Variants in C2orf15 observed in about 807,000 individuals in gnomAD.
The protein encoded by C2orf15 is chromosome 2 open reading frame 15.
In C2orf15, 3 loss-of-function variants were observed where a neutral mutation model predicts 4.4. That is an observed-to-expected ratio of 0.67 (90% CI 0.31 to 1.74). C2orf15 has a LOEUF of 1.74. C2orf15 is among the 40% of genes most tolerant of loss of function. The probability of loss-of-function intolerance (pLI) is 0.09; values close to 1 mark genes in which losing one functional copy is unlikely to be tolerated. For synonymous variants in C2orf15, 37 were observed against 36.8 expected, an observed-to-expected ratio of 1.00 and a Z score of -0.02; for missense variants, 90 against 103.3, an observed-to-expected ratio of 0.87 and a Z score of 0.56.
At chr2:99,147,551 A>G (rs2093645128) in intron 3 of C2orf15, 58 bp downstream of exon 3, 1 of 1,472,554 alleles carries the variant, frequency 6.8e-7, no homozygotes, top group Non-Finnish European at 9.4e-7. Flanking sequence ...CAGTCCTTTT[A>G]TTAGATTGAA....
intron 2 of C2orf15, among the ~76,000 whole-genome samples, chr2:99,144,212 G>C (rs973411259): frequency 6.6e-6 from 1 of 151,728 alleles, no homozygotes; most frequent in African/African-American, 2.4e-5. Context: ...TAGTAGAGAC[G>C]GGGTTTCACT....
chr2:99,148,282 A>C (rs905953090), intron 3 of C2orf15: 1 of 152,194 alleles, frequency 6.6e-6, no homozygotes, highest in Non-Finnish European at 1.5e-5. Flanking sequence ...ACTCAATTTT[A>C]TTCATTTGAA....
intron 3 of C2orf15, among the ~76,000 whole-genome samples, chr2:99,149,758 AG>A (rs2093671886): frequency 7.1e-6 from 1 of 140,256 alleles, no homozygotes; most frequent in African/African-American, 2.6e-5. Context: ...CTCTTTTTAC[AG>A]ACTAGACATC....
intron 2 of C2orf15, among the ~76,000 whole-genome samples, chr2:99,143,126 A>G (rs950291939): frequency 6.9e-6 from 1 of 145,258 alleles, no homozygotes; most frequent in Admixed American, 7.0e-5. Context: ...CCCTGCCCCA[A>G]CTAAACCTTT....
rs2093684883 is a variant in C2orf15 at position 99,150,707 on chromosome 2, A to T, written c.149A>T (p.Glu50Val). 2 of 1,613,986 alleles carry T rather than the reference A, an allele frequency of 1.2e-6. No homozygotes were observed. The highest frequency in any genetic ancestry group is 1.7e-6 in the Non-Finnish European group (2 of 1,179,968). The change falls in exon 4 of 4, where the codon GAA (glutamate) becomes GTA (valine). Residue 50 changes from glutamate (E) to valine (V), a missense_variant. Physicochemically the swap from Glu to Val is moderately radical, Grantham distance 121. Coordinates refer to ENST00000650052, the MANE Select transcript of C2orf15 (RefSeq NM_144706.4). ...CAAAACACCAAGAAAATAAGATTAG[A>T]AGACACAAATCAAGAAAACTTTACA... The part of the protein sequence containing the change: ...LFQNTKKIRL[E>V]DTNQENFTRI...
intron 3 of C2orf15, among the ~76,000 whole-genome samples, chr2:99,149,754 T>C (rs11685759): frequency 0.58 from 84,012 of 145,494 alleles, 25,234 homozygotes; most frequent in East Asian, 0.87. Context: ...TCATCTCTTT[T>C]TACAGACTAG....
intron 3 of C2orf15, among the ~76,000 whole-genome samples, 200 bp downstream of exon 3, chr2:99,147,693 C>T (rs2093646678): frequency 6.6e-6 from 1 of 152,138 alleles, no homozygotes; most frequent in Admixed American, 6.5e-5. Flanking sequence ...TTTAAACCTA[C>T]AGAAATGTAA....
Position 99,150,547 on chromosome 2 carries a change from T to G in C2orf15, c.-12T>G, listed in dbSNP as rs749865252. 2 of 1,610,168 alleles carry G rather than the reference T, an allele frequency of 1.2e-6. No individual in the cohort carries two copies. The highest frequency in any genetic ancestry group is 2.2e-5 in the East Asian group (1 of 44,784). On this transcript the variant is annotated 5_prime_UTR_variant, in exon 4 of 4. Transcript: ENST00000650052. ...ACCTGCAAATTACTTTCACATTTGTTCAGCTATCCTAATGGGATTTTCACT... is the reference window on the plus strand; with the variant it reads ...ACCTGCAAATTACTTTCACATTTGTGCAGCTATCCTAATGGGATTTTCACT...
intron 3 of C2orf15, among the ~76,000 whole-genome samples, chr2:99,148,693 T>C (rs1444963551): frequency 6.6e-6 from 1 of 152,180 alleles, no homozygotes; most frequent in Non-Finnish European, 1.5e-5. Flanking sequence ...TGGGTGAGGC[T>C]GAGCGCAGTG....
chr2:99,148,948 T>C (rs1274448313), intron 3 of C2orf15, among the ~76,000 whole-genome samples: 1 of 152,102 alleles, frequency 6.6e-6, no homozygotes, highest in East Asian at 1.9e-4. Flanking sequence ...GTAAATGTTA[T>C]ATATATTTTA....
intron 3 of C2orf15, 31 bp from the exon 4 acceptor site, chr2:99,150,452 A>G: frequency 7.9e-7 from 1 of 1,259,472 alleles, no homozygotes; most frequent in Non-Finnish European, 1.1e-6. Context: ...TTCCTGCTGC[A>G]TTCACTTGTT....
intron 2 of C2orf15, among the ~76,000 whole-genome samples, chr2:99,146,451 T>G (rs1419759394): frequency 6.6e-6 from 1 of 151,530 alleles, no homozygotes; most frequent in African/African-American, 2.4e-5. Context: ...GTTTATATTT[T>G]TTTCATTGAA....
chr2:99,147,857 C>G (rs954391309), intron 3 of C2orf15, among the ~76,000 whole-genome samples: 1 of 152,150 alleles, frequency 6.6e-6, no homozygotes, highest in African/African-American at 2.4e-5. Flanking sequence ...TTCTTCACCC[C>G]TAACTATTTC....
intron 2 of C2orf15, among the ~76,000 whole-genome samples, chr2:99,142,658 A>C (rs1158790834): frequency 6.6e-6 from 1 of 152,248 alleles, no homozygotes; most frequent in East Asian, 1.9e-4. Flanking sequence ...CACAAGGAGC[A>C]CATATCCTCG....
intron 2 of C2orf15, among the ~76,000 whole-genome samples, chr2:99,145,451 T>C (rs956641130): frequency 1.3e-5 from 2 of 151,522 alleles, no homozygotes; most frequent in African/African-American, 4.9e-5. Context: ...CCCAGCTACT[T>C]GGGAGCTGAG....
intron 2 of C2orf15, among the ~76,000 whole-genome samples, chr2:99,146,599 T>C (rs984477581): frequency 4.6e-5 from 7 of 152,178 alleles, no homozygotes; most frequent in African/African-American, 1.7e-4. Context: ...GTTCTGCCAT[T>C]CACATTTAGG....
chr2:99,149,493 A>G (rs1462592099), intron 3 of C2orf15, among the ~76,000 whole-genome samples: 5 of 139,574 alleles, frequency 3.6e-5, no homozygotes, highest in Admixed American at 3.1e-4. Context: ...CCCAGGCTGG[A>G]GTGCAGTGGC....
intron 2 of C2orf15, among the ~76,000 whole-genome samples, chr2:99,144,576 G>A (rs76874456): frequency 2.0e-5 from 3 of 149,188 alleles, no homozygotes; most frequent in African/African-American, 4.9e-5. Context: ...TTGAACCCGG[G>A]AGGCAGAGGT....
At chr2:99,143,003 G>A (rs1401922139) in intron 2 of C2orf15, among the ~76,000 whole-genome samples, 1 of 151,912 alleles carries the variant, frequency 6.6e-6, no homozygotes, top group Non-Finnish European at 1.5e-5. Context: ...CCAAAAGAGG[G>A]TGAAAAGATT....
Sources: gnomAD v4.1 joint callset for allele counts (sites outside exome capture counted in the v4.1 genomes callset) on GRCh38, gnomAD v4.1.1 for gene constraint, MANE v1.5 for transcripts, NCBI Gene and HGNC (gene_info 2026-07-23, HGNC 2026-07-21) for gene names.